Variants in BMAL1 observed in about 807,000 individuals in gnomAD.
BMAL1 encodes basic helix-loop-helix ARNT-like protein 1.
the BMAL1 span, among the ~76,000 whole-genome samples, chr11:13,324,558 C>A: frequency 1.3e-5 from 2 of 152,248 alleles, no homozygotes; most frequent in Admixed American, 1.3e-4. Context: ...TTCAACCATT[C>A]TGTCCTACCT....
chr11:13,309,294 C>G, the BMAL1 span, among the ~76,000 whole-genome samples: 14 of 151,998 alleles, frequency 9.2e-5, no homozygotes, highest in African/African-American at 2.9e-4. Flanking sequence ...ATGGTAGGGT[C>G]TATCGGGGGA....
chr11:13,286,259 T>C, the BMAL1 span, among the ~76,000 whole-genome samples: 2 of 152,236 alleles, frequency 1.3e-5, no homozygotes, highest in Non-Finnish European at 2.9e-5. Flanking sequence ...TTTACCTCAG[T>C]CACTTCTCCT....
At chr11:13,321,569 A>T in the BMAL1 span, among the ~76,000 whole-genome samples, 1 of 152,070 alleles carries the variant, frequency 6.6e-6, no homozygotes, top group African/African-American at 2.4e-5. Context: ...TGTTTGTCTG[A>T]ACATATGAGA....
At chr11:13,276,691 G>A in the BMAL1 span, 1 of 152,120 alleles carries the variant, frequency 6.6e-6, no homozygotes, top group East Asian at 1.9e-4. Flanking sequence ...CTGACATGAT[G>A]GATAACGAAA....
At chr11:13,285,833 C>G in the BMAL1 span, among the ~76,000 whole-genome samples, 3 of 151,874 alleles carry the variant, frequency 2.0e-5, no homozygotes, top group African/African-American at 7.3e-5. Context: ...TTTATCATAC[C>G]CTGCTTAGAA....
chr11:13,322,778 C>CTTTTTTT, the BMAL1 span, among the ~76,000 whole-genome samples: 20 of 50,350 alleles, frequency 4.0e-4, 3 homozygotes, highest in South Asian at 1.6e-3. Flanking sequence ...GTGAGCAAGT[C>CTTTTTTT]TTTTTTTTTT....
At chr11:13,332,917 C>G in the BMAL1 span, among the ~76,000 whole-genome samples, 1 of 151,314 alleles carries the variant, frequency 6.6e-6, no homozygotes, top group Non-Finnish European at 1.5e-5. Flanking sequence ...CTTGATCACT[C>G]TATATTGTGT....
At chr11:13,321,344 A>T in the BMAL1 span, among the ~76,000 whole-genome samples, 1 of 152,208 alleles carries the variant, frequency 6.6e-6, no homozygotes, top group Admixed American at 6.5e-5. Context: ...TACCAAGCAC[A>T]TGTGCCATTT....
At chr11:13,286,697 T>G in the BMAL1 span, among the ~76,000 whole-genome samples, 1 of 152,218 alleles carries the variant, frequency 6.6e-6, no homozygotes, top group African/African-American at 2.4e-5. Flanking sequence ...TCTGCTATCT[T>G]TCTTGATGAG....
the BMAL1 span, among the ~76,000 whole-genome samples, chr11:13,377,117 C>T: frequency 6.6e-6 from 1 of 152,218 alleles, no homozygotes; most frequent in Non-Finnish European, 1.5e-5. Context: ...ACCATACCCA[C>T]TGGGCTCCCT....
At chr11:13,348,568 G>T in the BMAL1 span, among the ~76,000 whole-genome samples, 2 of 152,076 alleles carry the variant, frequency 1.3e-5, no homozygotes, top group East Asian at 3.9e-4. Context: ...GTAGGTTCTG[G>T]GTTGCTAATT....
At chr11:13,312,146 A>G in the BMAL1 span, among the ~76,000 whole-genome samples, 1 of 152,200 alleles carries the variant, frequency 6.6e-6, no homozygotes. Flanking sequence ...AACACTCATT[A>G]TGTACTAAGT....
chr11:13,308,916 C>T, the BMAL1 span, among the ~76,000 whole-genome samples: 504 of 150,768 alleles, frequency 3.3e-3, 2 homozygotes, highest in African/African-American at 0.011. Context: ...CCAGGGGTTG[C>T]GGGGAGGAGG....
chr11:13,346,099 C>A, the BMAL1 span, among the ~76,000 whole-genome samples: 1 of 152,342 alleles, frequency 6.6e-6, no homozygotes, highest in East Asian at 1.9e-4. Flanking sequence ...GTGCTACTGT[C>A]CATCCAGGGC....
chr11:13,352,416 C>G, the BMAL1 span, among the ~76,000 whole-genome samples: 21,813 of 152,042 alleles, frequency 0.14, 2,384 homozygotes, highest in African/African-American at 0.3. Flanking sequence ...GCAGACACAA[C>G]GTAAGACAGA....
At chr11:13,312,406 G>T in the BMAL1 span, among the ~76,000 whole-genome samples, 1 of 152,124 alleles carries the variant, frequency 6.6e-6, no homozygotes, top group Admixed American at 6.5e-5. Context: ...AGTCCCTCAG[G>T]TTAAATATTC....
the BMAL1 span, among the ~76,000 whole-genome samples, chr11:13,351,733 G>A: frequency 3.9e-5 from 6 of 152,190 alleles, no homozygotes; most frequent in Non-Finnish European, 8.8e-5. Context: ...TGAGAAGGGC[G>A]AGGTCAGCTC....
chr11:13,354,475 CTTG>C, the BMAL1 span: 76 of 1,606,344 alleles, frequency 4.7e-5, 1 homozygote, highest in South Asian at 8.1e-4. Flanking sequence ...ATGTCTTCCT[CTTG>C]TTAAACTTGG....
chr11:13,334,460 C>T, the BMAL1 span, among the ~76,000 whole-genome samples: 3 of 152,074 alleles, frequency 2.0e-5, no homozygotes, highest in South Asian at 6.2e-4. Flanking sequence ...TCCTGTAGCT[C>T]TGCCAGGCCC....
Sources: allele counts gnomAD v4.1 joint callset (sites outside exome capture counted in the v4.1 genomes callset), GRCh38; gene constraint gnomAD v4.1.1; transcripts MANE v1.5; gene names NCBI Gene and HGNC (gene_info 2026-07-23, HGNC 2026-07-21).